Variants in ROBO2 observed in about 807,000 individuals in gnomAD.
ROBO2 encodes roundabout guidance receptor 2, also known as roundabout homolog 2.
A neutral mutation model predicts 160.8 loss-of-function variants in ROBO2; 53 were observed. The observed-to-expected ratio is 0.33, with a 90% CI of 0.26 to 0.41. The LOEUF (loss-of-function observed/expected upper bound fraction) is 0.41, where lower values mean the gene tolerates loss of function less well. ROBO2 is among the 10% of genes least tolerant of loss of function. ROBO2 has a pLI of 1.00. For missense variants in ROBO2, 1,577 were observed against 1,722.4 expected, an observed-to-expected ratio of 0.92 and a Z score of 1.49; for synonymous variants, 664 against 611.7, an observed-to-expected ratio of 1.09 and a Z score of -1.26.
intron 2 of ROBO2, among the ~76,000 whole-genome samples, chr3:77,407,593 A>G (rs1355948729): frequency 6.6e-6 from 1 of 152,012 alleles, no homozygotes; most frequent in Non-Finnish European, 1.5e-5. Context: ...TTTCTCCATC[A>G]CTCCTGCAGC....
intron 2 of ROBO2, among the ~76,000 whole-genome samples, chr3:77,236,075 C>T (rs772397618): frequency 1.3e-5 from 2 of 152,148 alleles, no homozygotes; most frequent in African/African-American, 2.4e-5. Flanking sequence ...GAACATGTGT[C>T]CAAGGTGGTC....
At chr3:75,916,626 A>G (rs1268336994) in intron 1 of ROBO2, among the ~76,000 whole-genome samples, 2 of 152,124 alleles carry the variant, frequency 1.3e-5, no homozygotes, top group Non-Finnish European at 2.9e-5. Context: ...ATTCATACTA[A>G]ATCAATCTTA....
chr3:76,805,787 G>A (rs1320969330), intron 2 of ROBO2, among the ~76,000 whole-genome samples: 2 of 151,642 alleles, frequency 1.3e-5, no homozygotes, highest in African/African-American at 2.4e-5. Context: ...TGGCCTCATA[G>A]GTCAAACTTG....
intron 2 of ROBO2, among the ~76,000 whole-genome samples, chr3:76,596,807 A>AT (rs1311258490): frequency 3.3e-5 from 5 of 152,114 alleles, no homozygotes; most frequent in African/African-American, 7.2e-5. Context: ...GGAGACATTG[A>AT]TTTTAACAGC....
At chr3:76,602,725 G>C (rs985880740) in intron 2 of ROBO2, among the ~76,000 whole-genome samples, 1 of 151,696 alleles carries the variant, frequency 6.6e-6, no homozygotes, top group South Asian at 2.1e-4. Context: ...ACTCCCACTG[G>C]GTTCCTCCCA....
At chr3:77,291,073 G>T (rs1394419082) in intron 2 of ROBO2, among the ~76,000 whole-genome samples, 2 of 150,414 alleles carry the variant, frequency 1.3e-5, no homozygotes, top group South Asian at 2.1e-4. Context: ...GATCACCCCA[G>T]ACGTAAAGTA....
rs150961241 is a variant in ROBO2, at chr3:76,300,099, A to G, written c.109+362497A>G. Among the ~76,000 whole-genome samples the G allele has an allele frequency of 2.6e-4, 39 of 152,238 alleles. 1 individual carries two copies. Among genetic ancestry groups the G allele is most frequent in the African/African-American group, 9.1e-4 (38 of 41,570 alleles). ...GTGGGTTTGAGTGGATTCTTAGTTT[A>G]GGATTACACAATGCCAAAATCAAGG... On this transcript the variant is annotated intron_variant, in intron 2 of 26. Coordinates refer to the ROBO2 transcript ENST00000487694.
At chr3:77,483,377 CAG>C (rs1163494451) in intron 4 of ROBO2, among the ~76,000 whole-genome samples, 2 of 151,878 alleles carry the variant, frequency 1.3e-5, no homozygotes, top group African/African-American at 4.8e-5. Flanking sequence ...GAAAAAAAAA[CAG>C]TGTACTATTA....
intron 2 of ROBO2, among the ~76,000 whole-genome samples, chr3:75,966,195 T>C (rs1202185393): frequency 6.6e-6 from 1 of 151,720 alleles, no homozygotes; most frequent in Non-Finnish European, 1.5e-5. Context: ...ATGACTCAAA[T>C]TGGTTGGGTA....
intron 2 of ROBO2, among the ~76,000 whole-genome samples, chr3:76,589,878 T>C (rs1401062062): frequency 6.6e-6 from 1 of 152,172 alleles, no homozygotes; most frequent in African/African-American, 2.4e-5. Flanking sequence ...TACAAGTTTC[T>C]TTAAAAATGT....
At chr3:76,555,419 AAGAAGGAGAAGGGGAAGGG>A (rs1560141553) in intron 2 of ROBO2, among the ~76,000 whole-genome samples, 76 of 82,114 alleles carry the variant, frequency 9.3e-4, no homozygotes, top group South Asian at 3.1e-3. Flanking sequence ...AAGAAGAAGA[AAGAAGGAGAAGGGGAAGGG>A]GAAGAGGAAG....
intron 2 of ROBO2, among the ~76,000 whole-genome samples, chr3:76,135,968 A>T (rs1285774148): frequency 1.3e-5 from 2 of 151,730 alleles, no homozygotes; most frequent in African/African-American, 4.8e-5. Context: ...TTACCAAAAA[A>T]AATCTGTAAC....
chr3:77,281,424 T>G (rs2060231308), intron 2 of ROBO2, among the ~76,000 whole-genome samples: 1 of 152,050 alleles, frequency 6.6e-6, no homozygotes. Flanking sequence ...AGTTTCCAGT[T>G]AGACAAGAAT....
At chr3:76,949,363 A>G (rs2078816322) in intron 2 of ROBO2, among the ~76,000 whole-genome samples, 1 of 152,120 alleles carries the variant, frequency 6.6e-6, no homozygotes, top group African/African-American at 2.4e-5. Context: ...GGACTGTGTC[A>G]ACAACTTTAG....
intron 2 of ROBO2, among the ~76,000 whole-genome samples, chr3:76,209,538 T>C (rs1703013033): frequency 6.6e-6 from 1 of 152,094 alleles, no homozygotes; most frequent in Non-Finnish European, 1.5e-5. Flanking sequence ...AATGTTTAGA[T>C]TTTCTGGGGA....
At chr3:77,098,697 GA>G (rs958561998) in intron 2 of ROBO2, among the ~76,000 whole-genome samples, 19 of 149,398 alleles carry the variant, frequency 1.3e-4, no homozygotes, top group East Asian at 6.0e-4. Context: ...AATACAAAAA[GA>G]AAAAAAAAAT....
At chr3:77,580,080 G>C in exon 16 of ROBO2, 1 of 1,613,822 alleles carries the variant, frequency 6.2e-7, no homozygotes, top group Non-Finnish European at 8.5e-7. Flanking sequence ...ACCAGTGCAG[G>C]GGTTGGAGTA....
chr3:76,916,442 G>A, intron 2 of ROBO2, among the ~76,000 whole-genome samples: 1 of 151,950 alleles, frequency 6.6e-6, no homozygotes. Flanking sequence ...CCCAGGCTCA[G>A]GCAATCCTCC....
In ROBO2 at chr3:75,914,162, T is replaced by C. The variant is rs1462988819; in HGVS notation, c.-14+7202T>C. ...AAATGGATGTGACATGCTTTACTGG[T>C]TATTGTGCAGGGAGCATTGTCCTTC... On this transcript the variant is annotated intron_variant, in intron 1 of 26. Coordinates refer to the ROBO2 transcript ENST00000487694. Among the ~76,000 whole-genome samples, 6 of 152,194 alleles carry C rather than the reference T, an allele frequency of 3.9e-5. No homozygotes were observed. In the South Asian group the frequency reaches 1.2e-3, roughly 31 times the overall value.
Sources: allele counts gnomAD v4.1 joint callset (sites outside exome capture counted in the v4.1 genomes callset), GRCh38; gene constraint gnomAD v4.1.1; transcripts MANE v1.5; gene names NCBI Gene and HGNC (gene_info 2026-07-23, HGNC 2026-07-21).